Variants in BEX2 observed in about 807,000 individuals in gnomAD.
BEX2 encodes protein BEX2.
A neutral mutation model predicts 4.1 loss-of-function variants in BEX2; 2 were observed. The ratio of observed to expected loss-of-function variants is 0.49; its 90% CI spans 0.20 to 1.53. The LOEUF (loss-of-function observed/expected upper bound fraction) is 1.53, where lower values mean the gene tolerates loss of function less well. Among genes scored for constraint, BEX2 ranks in the 40% most tolerant of loss-of-function variants. BEX2 has a pLI of 0.23. For synonymous variants in BEX2, 34 were observed against 35.9 expected (o/e 0.95, Z 0.19); for missense variants, 94 against 99.9 (o/e 0.94, Z 0.25).
At position 103,309,450 on chromosome X, in the gene BEX2, A is replaced by G; in HGVS notation, c.*140T>C. On this transcript the variant is annotated 3_prime_UTR_variant, in exon 3 of 3. Coordinates refer to ENST00000372677, the MANE Select transcript of BEX2 (RefSeq NM_032621.4). ...CAGAAACTTACAAACTGGGTCAAAA[A>G]CAACATTCATTTAGAAGCTGGTAAT... 6.2e-6 allele frequency: 6 copies of G among 974,348 alleles called. No individual in the cohort carries two copies. The highest frequency in any genetic ancestry group is 5.5e-6 in the Non-Finnish European group (4 of 723,653). 80.3% of individuals were successfully genotyped at this position (974,348 alleles called of 1,213,427 possible).
Position 103,309,988 on chromosome X carries a change from G to C in BEX2, c.-5-7C>G, listed in dbSNP as rs777792033. 5.9e-6 allele frequency: 7 copies of C among 1,190,272 alleles called. No individual in the cohort carries two copies. The highest frequency in any genetic ancestry group is 2.3e-6 in the Non-Finnish European group (2 of 885,403). On this transcript the variant is annotated splice_polypyrimidine_tract_variant and splice_region_variant and intron_variant, in intron 2 of 2. Transcript: ENST00000372677. ...TCTTTGGACTCCATTACTCCTAGGA[G>C]ACAGAGAGAAAATGGACTCAATTCT...
intron 1 of BEX2, 58 bp from the exon 2 acceptor site, chrX:103,310,491 CCCG>C: frequency 5.2e-6 from 6 of 1,147,859 alleles, no homozygotes; most frequent in Non-Finnish European, 6.9e-6. Context: ...CTAGAGAGGA[CCCG>C]CCGCCACCCG....
intron 1 of BEX2, 181 bp from the exon 2 acceptor site, chrX:103,310,614 G>A (rs868457875): frequency 8.7e-7 from 1 of 1,156,046 alleles, no homozygotes. Context: ...GGGCGGAGCA[G>A]GGGTGTTGGA....
At position 103,309,761 on chromosome X, in the gene BEX2, C is replaced by T. The variant is rs1385166196; in HGVS notation, c.216G>A (p.Arg72=). ...ILQYRWDIMH[R]LGEPQARMRE... is the part of the protein sequence containing the mutation. ...TCATCCTTGCCTGTGGCTCTCCAAG[C>T]CTATGCATTATGTCCCATCTATACT... The change falls in exon 3 of 3, where the codon AGG becomes AGA. Residue 72 remains arginine, a synonymous_variant. Coordinates refer to ENST00000372677, the MANE Select transcript of BEX2 (RefSeq NM_032621.4). The T allele has an allele frequency of 2.5e-6, 3 of 1,209,986 alleles. No individual in the cohort carries two copies. The highest frequency in any genetic ancestry group is 3.5e-5 in the South Asian group (2 of 56,798).
At chrX:103,310,824 C>T (rs975372128) in intron 1 of BEX2, 36 bp downstream of exon 1, 9 of 381,732 alleles carry the variant, frequency 2.4e-5, no homozygotes, top group African/African-American at 2.2e-4. Context: ...GCTGCTCCCC[C>T]ACACCAACCC....
chrX:103,309,879 T>C lies in BEX2; in HGVS notation c.98A>G (p.Lys33Arg). 8.3e-7 allele frequency: 1 copy of C among 1,211,815 alleles called. No individual in the cohort carries two copies. Among genetic ancestry groups the C allele is most frequent in the Non-Finnish European group, 1.1e-6 (1 of 895,545 alleles). ...CAAAGGTAGGGCCAAGGGCTCCCCTTTATTAGCAACTTGCTCCTTTTCATC... is the reference window on the plus strand; with the variant it reads ...CAAAGGTAGGGCCAAGGGCTCCCCTCTATTAGCAACTTGCTCCTTTTCATC... ...EKDEKEQVAN[K>R]GEPLALPLNV... Residue 33 changes from lysine to arginine, a missense_variant, in exon 3 of 3, where the codon AAA (lysine) becomes AGA (arginine). By Grantham distance (26) the Lys-to-Arg change is conservative. Coordinates refer to ENST00000372677, the MANE Select transcript of BEX2 (RefSeq NM_032621.4).
At chrX:103,310,257 TG>T in intron 2 of BEX2, 100 bp downstream of exon 2, 1 of 882,650 alleles carries the variant, frequency 1.1e-6, no homozygotes, top group Non-Finnish European at 1.5e-6. Context: ...GGGGTGGGGG[TG>T]GGGGATTGCT....
intron 2 of BEX2, 135 bp from the exon 3 acceptor site, chrX:103,310,116 C>G (rs999664951): frequency 1.2e-6 from 1 of 834,710 alleles, no homozygotes; most frequent in African/African-American, 2.1e-5. Flanking sequence ...TTTTTTTCCA[C>G]CAGAGAGGCC....
At chrX:103,310,718 C>T in intron 1 of BEX2, 142 bp downstream of exon 1, 1 of 915,465 alleles carries the variant, frequency 1.1e-6, no homozygotes, top group Non-Finnish European at 1.5e-6. Context: ...TCCGCTCACA[C>T]AAGGCTCGCG....
Position 103,309,782 on chromosome X carries a change from A to G in BEX2, c.195T>C (p.Tyr65=). ...CAAGCCTATGCATTATGTCCCATCT[A>G]TACTGCAGGATGGGCTGCCTAACGC... ...RFRVRQPILQ[Y]RWDIMHRLGE... is the part of the protein sequence containing the mutation. The change falls in exon 3 of 3, where the codon TAT becomes TAC. Residue 65 remains tyrosine, a synonymous_variant. Transcript: ENST00000372677. 2.5e-6 allele frequency: 3 copies of G among 1,211,444 alleles called. No individual in the cohort carries two copies. Among genetic ancestry groups the G allele is most frequent in the South Asian group, 1.8e-5 (1 of 56,937 alleles).
At chrX:103,310,329 C>T in intron 2 of BEX2, 29 bp downstream of exon 2, 6 of 1,144,332 alleles carry the variant, frequency 5.2e-6, no homozygotes, top group Non-Finnish European at 6.9e-6. Context: ...TGTTCTGACC[C>T]CCTCCCCACC....
rs1332107593 is a variant in BEX2 at position 103,310,468 on chromosome X, C to T, written c.-81-35G>A. ...GCCGGGGTGGGAAGAGTGGGGGCTG[C>T]TGCAGCGGAACGCTAGAGAGGACCC... On this transcript the variant is annotated intron_variant, in intron 1 of 2. Coordinates refer to ENST00000372677, the MANE Select transcript of BEX2 (RefSeq NM_032621.4). The T allele has an allele frequency of 6.9e-6, 8 of 1,154,089 alleles. No homozygotes were observed. In the East Asian group the frequency reaches 2.6e-4, roughly 38 times the overall value.
At chrX:103,310,090 CT>C (rs1926144853) in intron 2 of BEX2, 109 bp from the exon 3 acceptor site, 2 of 977,763 alleles carry the variant, frequency 2.0e-6, no homozygotes, top group Non-Finnish European at 2.8e-6. Flanking sequence ...TTTCAAAGGC[CT>C]TTTTTAAATT....
rs1926138784 is a variant in BEX2 at position 103,309,950 on chromosome X, T to G, written c.27A>C (p.Leu9Phe). Residue 9 changes from leucine to phenylalanine, a missense_variant, in exon 3 of 3, where the codon TTA becomes TTC. Physicochemically the swap from Leu to Phe is conservative, Grantham distance 22 (BLOSUM62 0). Coordinates refer to ENST00000372677, the MANE Select transcript of BEX2 (RefSeq NM_032621.4). The part of the protein sequence containing the change: MESKEERA[L>F]NNLIVENVNQ... ...TGACATTTTCCACGATGAGATTGTT[T>G]AACGCTCGTTCCTCTTTGGACTCCA... 1 of 1,205,518 alleles carries G rather than the reference T, an allele frequency of 8.3e-7. No individual in the cohort carries two copies. Among genetic ancestry groups the G allele is most frequent in the Admixed American group, 2.2e-5 (1 of 45,540 alleles).
chrX:103,309,787 G>A lies in BEX2; in HGVS notation c.190C>T (p.Gln64Ter). 8.3e-7 allele frequency: 1 copy of A among 1,211,649 alleles called. No individual in the cohort carries two copies. Among genetic ancestry groups the A allele is most frequent in the East Asian group, 3.0e-5 (1 of 33,829 alleles). Residue 64 changes from glutamine (Q) to a stop codon, truncating the protein, a stop_gained, in exon 3 of 3, where the codon CAG (glutamine) becomes TAG (stop). Coordinates refer to ENST00000372677, the MANE Select transcript of BEX2 (RefSeq NM_032621.4). LOFTEE classifies it high-confidence loss of function. ...CTATGCATTATGTCCCATCTATACT[G>A]CAGGATGGGCTGCCTAACGCGGAAC... ...RRFRVRQPIL[Q>*]YRWDIMHRLG...
In BEX2 at chrX:103,310,410, G is replaced by A. The variant is rs1926162051; in HGVS notation, c.-58C>T. 1.7e-6 allele frequency: 2 copies of A among 1,156,792 alleles called. No homozygotes were observed. Among genetic ancestry groups the A allele is most frequent in the African/African-American group, 1.8e-5 (1 of 56,401 alleles). On this transcript the variant is annotated 5_prime_UTR_variant, in exon 2 of 3. Transcript: ENST00000372677. ...CCCGATTCTCGACGTGAGGTGCGTCGCCGCAACACTTGGCCCCGCAAACCT... is the reference window on the plus strand; with the variant it reads ...CCCGATTCTCGACGTGAGGTGCGTCACCGCAACACTTGGCCCCGCAAACCT...
In BEX2 at chrX:103,309,554, G is replaced by A. The variant is rs775044698; in HGVS notation, c.*36C>T. ...ACAAATGTGTAAGTTTAGGAAGCAG[G>A]GGTCTCCCTATTAACTTCAGGGAAA... On this transcript the variant is annotated 3_prime_UTR_variant, in exon 3 of 3. Coordinates refer to ENST00000372677, the MANE Select transcript of BEX2 (RefSeq NM_032621.4). The A allele has an allele frequency of 5.8e-6, 7 of 1,198,182 alleles. No individual in the cohort carries two copies. In the Admixed American group the frequency reaches 1.3e-4, roughly 23 times the overall value.
In BEX2 at chrX:103,309,600, A is replaced by G. The variant is rs755044953; in HGVS notation, c.377T>C (p.Leu126Pro). The G allele has an allele frequency of 4.7e-5, 57 of 1,208,157 alleles. No individual in the cohort carries two copies. Among genetic ancestry groups the G allele is most frequent in the Non-Finnish European group, 6.1e-5 (55 of 894,695 alleles). ...GGAAACCATCAGGATTCAGGGCATAAGGCAAAACTCATCGTGATGGTCATG... is the reference window on the plus strand; with the variant it reads ...GGAAACCATCAGGATTCAGGGCATAGGGCAAAACTCATCGTGATGGTCATG... ...PHHDHHDEFC[L>P]MP is the part of the protein sequence containing the mutation. The change falls in exon 3 of 3, where the codon CTT (leucine) becomes CCT (proline). Residue 126 changes from leucine (L) to proline (P), a missense_variant. Physicochemically the swap from Leu to Pro is moderately conservative, Grantham distance 98. Coordinates refer to ENST00000372677, the MANE Select transcript of BEX2 (RefSeq NM_032621.4).
chrX:103,309,668 C>A lies in BEX2; in HGVS notation c.309G>T (p.Gln103His). 8.3e-7 allele frequency: 1 copy of A among 1,211,340 alleles called. No homozygotes were observed. Among genetic ancestry groups the A allele is most frequent in the Non-Finnish European group, 1.1e-6 (1 of 895,472 alleles). Reference sequence around the variant, plus strand: ...TGACTGCCCGCAAACTATGACTCAACTGCTTTTCCCTCAGCTTTTCCATCA... The same window carrying A: ...TGACTGCCCGCAAACTATGACTCAAATGCTTTTCCCTCAGCTTTTCCATCA... ...RQLMEKLREK[Q>H]LSHSLRAVST... The change falls in exon 3 of 3, where the codon CAG (glutamine) becomes CAT (histidine). Residue 103 changes from glutamine (Q) to histidine (H), a missense_variant. Coordinates refer to ENST00000372677, the MANE Select transcript of BEX2 (RefSeq NM_032621.4).
Sources: allele counts gnomAD v4.1 joint callset, GRCh38; gene constraint gnomAD v4.1.1; transcripts MANE v1.5; gene names NCBI Gene and HGNC (gene_info 2026-07-23, HGNC 2026-07-21).